DIAPH2: variants seen among roughly 807,000 people sequenced by gnomAD.
The protein encoded by DIAPH2 is protein diaphanous homolog 2.
In DIAPH2, 35 loss-of-function variants were observed where a neutral mutation model predicts 92.7. That is an observed-to-expected ratio of 0.38 (90% CI 0.29 to 0.50). The LOEUF is 0.50. Among genes scored for constraint, DIAPH2 ranks in the 20% least tolerant of loss-of-function variants. DIAPH2 has a pLI of 0.94. For missense variants in DIAPH2, 701 were observed against 819.5 expected, an observed-to-expected ratio of 0.86 and a Z score of 1.77; for synonymous variants, 301 against 280.4, an observed-to-expected ratio of 1.07 and a Z score of -0.73.
At chrX:97,276,265 T>TGGGGAGAGGGACAGGGAC in intron 23 of DIAPH2, among the ~76,000 whole-genome samples, 1 of 110,748 alleles carries the variant, frequency 9.0e-6, no homozygotes, top group East Asian at 2.9e-4. Context: ...AGGGAGACCG[T>TGGGGAGAGGGACAGGGAC]GGGGAGAGGG....
At chrX:96,796,168 TTTTAGTTTTG>T (rs1439559823) in intron 4 of DIAPH2, among the ~76,000 whole-genome samples, 1 of 111,866 alleles carries the variant, frequency 8.9e-6, no homozygotes, top group East Asian at 2.8e-4. Flanking sequence ...ATTTTTTTAT[TTTTAGTTTTG>T]TTTTGTTTTG....
At chrX:96,962,490 C>CATAT (rs1184858557) in intron 16 of DIAPH2, among the ~76,000 whole-genome samples, 5 of 48,938 alleles carry the variant, frequency 1.0e-4, no homozygotes, top group African/African-American at 6.0e-4. Flanking sequence ...CACACACACA[C>CATAT]ACACACATAT....
chrX:97,449,506 T>A (rs2070340726), intron 26 of DIAPH2, among the ~76,000 whole-genome samples: 1 of 112,475 alleles, frequency 8.9e-6, no homozygotes, highest in Admixed American at 9.4e-5. Context: ...TCTGGTTAAC[T>A]AGCAGGTAAA....
chrX:96,758,009 G>A (rs1340708393), intron 3 of DIAPH2, 145 bp from the exon 4 acceptor site: 16 of 448,719 alleles, frequency 3.6e-5, no homozygotes, highest in Non-Finnish European at 4.6e-5. Context: ...AAATAATAGC[G>A]AAGTATCCCA....
At chrX:97,145,717 C>T (rs886679517) in intron 22 of DIAPH2, among the ~76,000 whole-genome samples, 1 of 110,529 alleles carries the variant, frequency 9.0e-6, no homozygotes, top group Non-Finnish European at 1.9e-5. Flanking sequence ...ATTATTTTGA[C>T]TAGTTATTTT....
intron 26 of DIAPH2, among the ~76,000 whole-genome samples, chrX:97,462,804 G>C (rs2070470910): frequency 9.1e-6 from 1 of 109,572 alleles, no homozygotes; most frequent in Admixed American, 9.8e-5. Flanking sequence ...AGAGAAATGA[G>C]AGTATTGTGA....
At chrX:97,497,533 C>T (rs749685556) in intron 26 of DIAPH2, among the ~76,000 whole-genome samples, 19 of 109,785 alleles carry the variant, frequency 1.7e-4, no homozygotes, top group Admixed American at 9.9e-4. Context: ...AGGCCAGGCA[C>T]AGTGGCTCAT....
intron 4 of DIAPH2, chrX:96,763,119 C>A: frequency 6.2e-6 from 6 of 960,252 alleles, no homozygotes; most frequent in Non-Finnish European, 8.0e-6. Context: ...AGTAAAGTTA[C>A]GGTGAGTACA....
At chrX:97,583,506 C>T (rs1213457186) in intron 26 of DIAPH2, among the ~76,000 whole-genome samples, 1 of 112,094 alleles carries the variant, frequency 8.9e-6, no homozygotes, top group Non-Finnish European at 1.9e-5. Context: ...GGTCAGGGAC[C>T]CACTTGAGGA....
intron 21 of DIAPH2, among the ~76,000 whole-genome samples, chrX:97,141,387 T>G (rs2067207784): frequency 9.0e-6 from 1 of 111,447 alleles, no homozygotes; most frequent in Non-Finnish European, 1.9e-5. Context: ...TGGATGTTCT[T>G]CTCTCATGAA....
intron 25 of DIAPH2, among the ~76,000 whole-genome samples, chrX:97,409,071 G>A (rs910357945): frequency 1.8e-5 from 2 of 111,953 alleles, no homozygotes; most frequent in African/African-American, 6.5e-5. Context: ...CCAGGTTAAG[G>A]GTTGAGTGAT....
intron 17 of DIAPH2, among the ~76,000 whole-genome samples, chrX:97,045,927 T>A (rs1424919865): frequency 3.9e-5 from 4 of 103,170 alleles, no homozygotes; most frequent in Non-Finnish European, 7.9e-5. Context: ...AATCTTGGCT[T>A]ACTGCAACCT....
intron 17 of DIAPH2, among the ~76,000 whole-genome samples, chrX:96,998,241 G>A (rs1372036268): frequency 2.7e-5 from 3 of 110,028 alleles, no homozygotes; most frequent in African/African-American, 6.8e-5. Context: ...AACTTCTGTG[G>A]CATTTTTTAG....
intron 21 of DIAPH2, among the ~76,000 whole-genome samples, chrX:97,129,557 C>T (rs1177969026): frequency 9.0e-6 from 1 of 111,343 alleles, no homozygotes; most frequent in Non-Finnish European, 1.9e-5. Flanking sequence ...AAAGATATCT[C>T]ATATTCATGA....
chrX:97,078,147 A>G (rs954646596), intron 19 of DIAPH2, among the ~76,000 whole-genome samples: 3 of 111,814 alleles, frequency 2.7e-5, no homozygotes, highest in Admixed American at 1.9e-4. Flanking sequence ...AAAGTGATGC[A>G]TGTGTGAAGG....
At chrX:96,938,415 T>A (rs1208469611) in intron 11 of DIAPH2, among the ~76,000 whole-genome samples, 1 of 111,854 alleles carries the variant, frequency 8.9e-6, no homozygotes, top group African/African-American at 3.2e-5. Flanking sequence ...ATTCCTCTTA[T>A]AATCAAACTT....
At chrX:96,902,933 G>T (rs891840636) in intron 5 of DIAPH2, among the ~76,000 whole-genome samples, 3 of 111,475 alleles carry the variant, frequency 2.7e-5, no homozygotes, top group African/African-American at 9.8e-5. Flanking sequence ...TTTAGGTTTG[G>T]TTTCAGTTAT....
intron 26 of DIAPH2, among the ~76,000 whole-genome samples, chrX:97,487,516 C>T (rs918087578): frequency 9.0e-6 from 1 of 111,539 alleles, no homozygotes; most frequent in Non-Finnish European, 1.9e-5. Context: ...CCTCGTGATC[C>T]GCCTGCCTTG....
At chrX:97,101,519 T>TG (rs1286286103) in intron 20 of DIAPH2, among the ~76,000 whole-genome samples, 2 of 109,774 alleles carry the variant, frequency 1.8e-5, no homozygotes, top group African/African-American at 3.3e-5. Flanking sequence ...TGTCTGGGGG[T>TG]GGGGGGCGGA....
Sources: allele counts gnomAD v4.1 joint callset (sites outside exome capture counted in the v4.1 genomes callset), GRCh38; gene constraint gnomAD v4.1.1; transcripts MANE v1.5; gene names NCBI Gene and HGNC (gene_info 2026-07-23, HGNC 2026-07-21).